Variants in CFAP54 observed in about 807,000 individuals in gnomAD.
CFAP54 encodes cilia- and flagella-associated protein 54.
In CFAP54, 290 loss-of-function variants were observed where a neutral mutation model predicts 370.4. The ratio of observed to expected loss-of-function variants is 0.78; its 90% confidence interval spans 0.71 to 0.86. The LOEUF (loss-of-function observed/expected upper bound fraction) is 0.86, where lower values mean the gene tolerates loss of function less well. CFAP54 is among the 40% of genes least tolerant of loss of function. The probability of loss-of-function intolerance (pLI) is 0.00; values close to 1 mark genes in which losing one functional copy is unlikely to be tolerated. For missense variants in CFAP54, 3,399 were observed against 3,528.7 expected (o/e 0.96, Z 0.93); for synonymous variants, 1,206 against 1,236.5 (o/e 0.98, Z 0.52).
chr12:96,742,477 T>C lies in CFAP54; in HGVS notation c.7110T>C (p.Pro2370=), dbSNP rs761810311. ...AAGATGACAGTGAGTTTTTAGATCC[T>C]ATTTCCCTAAATGCCCGAGAATATT... is the stretch of plus-strand genomic sequence containing the variant. ...ENKDDSEFLD[P]ISLNAREYFN... The change falls in exon 52 of 68, where the codon CCT becomes CCC. Residue 2370 remains proline, a synonymous_variant. Transcript: ENST00000524981. 2.5e-6 allele frequency: 4 copies of C among 1,603,378 alleles called. No homozygotes were observed. Among genetic ancestry groups the C allele is most frequent in the Non-Finnish European group, 2.6e-6 (3 of 1,171,010 alleles).
chr12:96,495,792 CA>C (rs1389174802), intron 1 of CFAP54, among the ~76,000 whole-genome samples: 1 of 151,620 alleles, frequency 6.6e-6, no homozygotes, highest in Non-Finnish European at 1.5e-5. Context: ...TAGGGTTCAA[CA>C]AAAAAAGAGA....
At chr12:96,819,976 C>T (rs1017705218) in intron 65 of CFAP54, among the ~76,000 whole-genome samples, 2 of 152,094 alleles carry the variant, frequency 1.3e-5, no homozygotes, top group Non-Finnish European at 2.9e-5. Context: ...GAACTCTTGC[C>T]TACAAAACAA....
intron 5 of CFAP54, among the ~76,000 whole-genome samples, chr12:96,518,052 C>T (rs182854025): frequency 2.0e-5 from 3 of 152,238 alleles, no homozygotes; most frequent in Admixed American, 6.5e-5. Context: ...ATGTCATGTA[C>T]GTTGTCACTT....
chr12:96,643,555 A>G (rs1956757088), intron 32 of CFAP54, among the ~76,000 whole-genome samples: 1 of 152,220 alleles, frequency 6.6e-6, no homozygotes, highest in South Asian at 2.1e-4. Flanking sequence ...ATAAACAACT[A>G]TATAACTGTG....
At chr12:96,738,401 G>A (rs2136637251) in intron 50 of CFAP54, among the ~76,000 whole-genome samples, 1 of 152,236 alleles carries the variant, frequency 6.6e-6, no homozygotes, top group East Asian at 1.9e-4. Context: ...CTAGAGGCAA[G>A]ACTTCTGAAA....
chr12:96,652,231 A>T (rs1488516805), intron 36 of CFAP54, among the ~76,000 whole-genome samples: 1 of 152,204 alleles, frequency 6.6e-6, no homozygotes, highest in Non-Finnish European at 1.5e-5. Flanking sequence ...ACAGCCATTT[A>T]AAATTTATCA....
intron 13 of CFAP54, among the ~76,000 whole-genome samples, chr12:96,539,455 C>T (rs1363173042): frequency 6.6e-6 from 1 of 151,852 alleles, no homozygotes; most frequent in Non-Finnish European, 1.5e-5. Context: ...AGGTGGATCA[C>T]CCGAGGTCAG....
intron 1 of CFAP54, among the ~76,000 whole-genome samples, chr12:96,493,241 T>C (rs1190116905): frequency 1.3e-5 from 2 of 152,204 alleles, no homozygotes; most frequent in Non-Finnish European, 2.9e-5. Flanking sequence ...TTGACACTGG[T>C]TACACAGTGG....
In CFAP54 at chr12:96,623,748, G is replaced by A. The variant is rs765318118; in HGVS notation, c.3772-19G>A. The stretch of plus-strand genomic sequence containing the variant: ...GCAACACGTTAAAGTACATTTTGAC[G>A]TTTAACCAATGTTTTTAGGATTCTT... On this transcript the variant is annotated intron_variant, in intron 27 of 67. Transcript: ENST00000524981. 69 of 1,306,436 alleles carry A rather than the reference G, an allele frequency of 5.3e-5. No homozygotes were observed. The South Asian group carries it at 6.4e-4, about 12-fold the overall frequency. The allele number at this position is 1,306,436 out of a possible 1,614,324, so 80.9% of individuals were successfully genotyped here. A position where few individuals can be genotyped will look rare whatever the true frequency, so the allele number is the denominator to read the frequency against.
intron 66 of CFAP54, among the ~76,000 whole-genome samples, chr12:96,837,146 A>G (rs1233496777): frequency 1.3e-5 from 2 of 152,212 alleles, no homozygotes; most frequent in East Asian, 3.8e-4. Flanking sequence ...TGATATGTTT[A>G]TGATCAGATA....
At chr12:96,751,611 A>G (rs2136653818) in intron 55 of CFAP54, among the ~76,000 whole-genome samples, 1 of 152,274 alleles carries the variant, frequency 6.6e-6, no homozygotes, top group Non-Finnish European at 1.5e-5. Context: ...AATATACAAA[A>G]AGGGGAGATG....
intron 50 of CFAP54, among the ~76,000 whole-genome samples, chr12:96,723,484 CA>C (rs1044684429): frequency 2.0e-5 from 3 of 152,088 alleles, no homozygotes; most frequent in African/African-American, 7.2e-5. Context: ...AACTGTGCCA[CA>C]AGCTTCTGAT....
intron 26 of CFAP54, among the ~76,000 whole-genome samples, chr12:96,610,640 A>G (rs1956348370): frequency 6.6e-6 from 1 of 152,206 alleles, no homozygotes; most frequent in African/African-American, 2.4e-5. Context: ...TTTCCTAGCC[A>G]AGGGAAGCTA....
chr12:96,717,049 C>T (rs1310574866), intron 48 of CFAP54, among the ~76,000 whole-genome samples: 3 of 152,184 alleles, frequency 2.0e-5, no homozygotes, highest in East Asian at 1.9e-4. Context: ...TATATCTCTT[C>T]GCCTATGGAT....
At chr12:96,633,413 T>C (rs1365801621) in intron 32 of CFAP54, among the ~76,000 whole-genome samples, 1 of 152,224 alleles carries the variant, frequency 6.6e-6, no homozygotes, top group African/African-American at 2.4e-5. Context: ...ACCAGGAAAT[T>C]GACATTGATA....
At chr12:96,804,030 G>A (rs2136716258) in intron 63 of CFAP54, among the ~76,000 whole-genome samples, 1 of 151,942 alleles carries the variant, frequency 6.6e-6, no homozygotes, top group South Asian at 2.1e-4. Context: ...AATTTACCAA[G>A]GAGATAAATA....
intron 39 of CFAP54, among the ~76,000 whole-genome samples, chr12:96,674,737 T>G (rs185999993): frequency 2.6e-5 from 4 of 152,370 alleles, no homozygotes; most frequent in Admixed American, 2.6e-4. Context: ...TTTCAGATTT[T>G]ATTCTAGAAT....
intron 39 of CFAP54, among the ~76,000 whole-genome samples, chr12:96,672,138 A>G (rs939765106): frequency 5.9e-5 from 9 of 151,730 alleles, no homozygotes; most frequent in Admixed American, 3.9e-4. Flanking sequence ...AGGAAAAAAA[A>G]GGATATTTAC....
chr12:96,640,160 G>T (rs1478511972), intron 32 of CFAP54, among the ~76,000 whole-genome samples: 4 of 152,132 alleles, frequency 2.6e-5, no homozygotes, highest in African/African-American at 9.7e-5. Context: ...CAGACGACAT[G>T]ATTATATATC....
Sources: gnomAD v4.1 joint callset for allele counts (sites outside exome capture counted in the v4.1 genomes callset) on GRCh38, gnomAD v4.1.1 for gene constraint, MANE v1.5 for transcripts, NCBI Gene and HGNC (gene_info 2026-07-23, HGNC 2026-07-21) for gene names.